FAM135B: variants seen among roughly 807,000 people sequenced by gnomAD.
FAM135B encodes protein FAM135B.
A neutral mutation model predicts 127.7 loss-of-function variants in FAM135B; 43 were observed. The observed-to-expected ratio is 0.34, with a 90% CI of 0.26 to 0.43. FAM135B has a LOEUF of 0.43. Ranked by LOEUF, FAM135B falls within the 20% of genes least tolerant of loss-of-function variation. The pLI is 1.00. For synonymous variants in FAM135B, 670 were observed against 665.1 expected, an observed-to-expected ratio of 1.01 and a Z score of -0.11; for missense variants, 1,558 against 1,725.6, an observed-to-expected ratio of 0.90 and a Z score of 1.72.
chr8:138,442,236 CCATATATATATATATATATATATATA>C (rs1835820274), intron 1 of FAM135B, among the ~76,000 whole-genome samples: 2 of 13,136 alleles, frequency 1.5e-4, no homozygotes, highest in East Asian at 6.3e-3. Flanking sequence ...AATATGGACA[CCATATATATATATATATATATATATA>C]TATATATATA....
At position 138,308,696 on chromosome 8, in the gene FAM135B, G is replaced by A. The variant is rs965976515; in HGVS notation, c.157+2145C>T. On this transcript the variant is annotated intron_variant, in intron 3 of 19. Coordinates refer to ENST00000395297, the MANE Select transcript of FAM135B (RefSeq NM_015912.4). ...AAGCCCTTCTCTTCCCCCATTACTC[G>A]CTGGGCTCTGCCAACCACTGAGCAT... is the stretch of plus-strand genomic sequence containing the variant. 2.0e-5 allele frequency among the ~76,000 whole-genome samples: 3 copies of A among 151,224 alleles called. No homozygotes were observed. In the East Asian group the frequency reaches 5.8e-4, roughly 29 times the overall value.
chr8:138,339,889 G>A (rs1388936860), intron 2 of FAM135B, among the ~76,000 whole-genome samples: 2 of 152,210 alleles, frequency 1.3e-5, no homozygotes. Flanking sequence ...AGAGCTGATG[G>A]GGGAGTGGAA....
intron 1 of FAM135B, among the ~76,000 whole-genome samples, chr8:138,423,151 T>G (rs962835297): frequency 2.0e-5 from 3 of 152,108 alleles, no homozygotes; most frequent in African/African-American, 7.2e-5. Flanking sequence ...GGATTGAAAA[T>G]CTACCTTTTG....
intron 1 of FAM135B, among the ~76,000 whole-genome samples, chr8:138,428,948 G>A (rs527661939): frequency 6.6e-6 from 1 of 152,328 alleles, no homozygotes; most frequent in African/African-American, 2.4e-5. Flanking sequence ...GTAGGAGGCA[G>A]TGGCCAACGT....
At chr8:138,406,441 G>A (rs2131384037) in intron 1 of FAM135B, among the ~76,000 whole-genome samples, 1 of 151,382 alleles carries the variant, frequency 6.6e-6, no homozygotes, top group African/African-American at 2.4e-5. Context: ...CCAAAGCCGG[G>A]CAGAGACACA....
chr8:138,315,440 G>C (rs1827012681), intron 2 of FAM135B, among the ~76,000 whole-genome samples: 1 of 152,052 alleles, frequency 6.6e-6, no homozygotes, highest in Non-Finnish European at 1.5e-5. Context: ...AAATAAAATT[G>C]CCATATGACC....
At chr8:138,420,386 G>A (rs1322238826) in intron 1 of FAM135B, among the ~76,000 whole-genome samples, 4 of 151,920 alleles carry the variant, frequency 2.6e-5, no homozygotes, top group African/African-American at 9.7e-5. Context: ...AAAAGCCCTG[G>A]ATCAGAGAGA....
intron 5 of FAM135B, among the ~76,000 whole-genome samples, chr8:138,255,986 C>A (rs890442406): frequency 6.6e-6 from 1 of 152,084 alleles, no homozygotes; most frequent in Non-Finnish European, 1.5e-5. Flanking sequence ...CCTAGGGAAG[C>A]CTGGATCTGG....
At chr8:138,208,141 G>C (rs1376722077) in intron 7 of FAM135B, among the ~76,000 whole-genome samples, 1 of 152,200 alleles carries the variant, frequency 6.6e-6, no homozygotes, top group Admixed American at 6.5e-5. Flanking sequence ...CTATCACCCA[G>C]GGTGCTCAGG....
intron 7 of FAM135B, among the ~76,000 whole-genome samples, chr8:138,204,047 T>C (rs7007104): frequency 0.041 from 6,283 of 152,204 alleles, 224 homozygotes; most frequent in East Asian, 0.15. Flanking sequence ...TAAATACACA[T>C]GAAGCTTCAC....
chr8:138,362,572 C>G (rs762809775), intron 2 of FAM135B, among the ~76,000 whole-genome samples: 4 of 152,114 alleles, frequency 2.6e-5, no homozygotes, highest in Non-Finnish European at 4.4e-5. Context: ...CATTTGTCAG[C>G]TGTGTGTACT....
chr8:138,187,362 G>A (rs999675872), intron 9 of FAM135B, among the ~76,000 whole-genome samples: 5 of 152,192 alleles, frequency 3.3e-5, no homozygotes, highest in African/African-American at 9.7e-5. Context: ...CAAGATCCAG[G>A]AGGGATGGAG....
intron 2 of FAM135B, among the ~76,000 whole-genome samples, chr8:138,362,283 C>CTTTT (rs34005300): frequency 2.0e-5 from 2 of 99,170 alleles, no homozygotes; most frequent in Admixed American, 1.2e-4. Flanking sequence ...ACCCCCATAT[C>CTTTT]TTTTTTTTTT....
intron 2 of FAM135B, among the ~76,000 whole-genome samples, chr8:138,339,283 T>C (rs910568610): frequency 1.3e-5 from 2 of 151,808 alleles, no homozygotes; most frequent in Admixed American, 6.6e-5. Context: ...TAAATAATCA[T>C]ACAAATGTTT....
chr8:138,326,986 A>T (rs2130972849), intron 2 of FAM135B, among the ~76,000 whole-genome samples: 1 of 152,280 alleles, frequency 6.6e-6, no homozygotes, highest in Non-Finnish European at 1.5e-5. Flanking sequence ...AGATTTGCAA[A>T]GTCTGTGCTA....
chr8:138,393,264 C>T (rs940258831), intron 1 of FAM135B, among the ~76,000 whole-genome samples: 26 of 152,130 alleles, frequency 1.7e-4, no homozygotes, highest in Non-Finnish European at 3.4e-4. Flanking sequence ...AGCCAAACCA[C>T]ATCAGGTGTT....
intron 7 of FAM135B, among the ~76,000 whole-genome samples, chr8:138,235,653 C>T (rs890361093): frequency 7.2e-5 from 11 of 152,120 alleles, no homozygotes; most frequent in Non-Finnish European, 1.5e-4. Context: ...GCCTCAGTTT[C>T]CCCCTCCCCA....
At chr8:138,488,383 A>T (rs1815066318) in intron 1 of FAM135B, among the ~76,000 whole-genome samples, 1 of 152,194 alleles carries the variant, frequency 6.6e-6, no homozygotes, top group African/African-American at 2.4e-5. Context: ...AAACCGATGC[A>T]TCTCTACTAT....
chr8:138,305,683 G>T (rs1310354017), intron 3 of FAM135B, among the ~76,000 whole-genome samples: 1 of 151,850 alleles, frequency 6.6e-6, no homozygotes, highest in Non-Finnish European at 1.5e-5. Flanking sequence ...GTATTTCTCA[G>T]GGCATAGTAC....
Sources: gnomAD v4.1 joint callset for allele counts (sites outside exome capture counted in the v4.1 genomes callset) on GRCh38, gnomAD v4.1.1 for gene constraint, MANE v1.5 for transcripts, NCBI Gene and HGNC (gene_info 2026-07-23, HGNC 2026-07-21) for gene names.